STAU2: variants seen among roughly 807,000 people sequenced by gnomAD.
STAU2 encodes double-stranded RNA-binding protein Staufen homolog 2.
A neutral mutation model predicts 65.9 loss-of-function variants in STAU2; 20 were observed. That is an observed-to-expected ratio of 0.30 (90% CI 0.21 to 0.44). The LOEUF (loss-of-function observed/expected upper bound fraction) is 0.44, where lower values mean the gene tolerates loss of function less well. STAU2 is among the 20% of genes least tolerant of loss of function. STAU2 has a pLI of 1.00. For synonymous variants in STAU2, 232 were observed against 233.9 expected (o/e 0.99, Z 0.07); for missense variants, 558 against 683.9 (o/e 0.82, Z 2.05).
At chr8:73,500,808 AC>A (rs1405647319) in intron 13 of STAU2, among the ~76,000 whole-genome samples, 1 of 151,946 alleles carries the variant, frequency 6.6e-6, no homozygotes, top group Admixed American at 6.6e-5. Context: ...AAGTGATTAC[AC>A]AAATAATAAG....
intron 6 of STAU2, among the ~76,000 whole-genome samples, chr8:73,649,869 T>TTTTATATATA (rs1554555924): frequency 5.6e-5 from 4 of 71,656 alleles, no homozygotes; most frequent in South Asian, 6.1e-4. Flanking sequence ...CTATATAATT[T>TTTTATATATA]TATATATATA....
At chr8:73,644,446 TAAA>T (rs11330650) in intron 6 of STAU2, among the ~76,000 whole-genome samples, 1 of 136,446 alleles carries the variant, frequency 7.3e-6, no homozygotes. Flanking sequence ...TCCTGTCTCT[TAAA>T]AAAAAAAAAA....
chr8:73,659,336 G>A (rs769338213), intron 6 of STAU2, among the ~76,000 whole-genome samples: 3 of 152,028 alleles, frequency 2.0e-5, no homozygotes, highest in South Asian at 2.1e-4. Context: ...TCGGGAGTTC[G>A]AGACCAGCCT....
chr8:73,444,844 T>A (rs1348615534), intron 13 of STAU2, among the ~76,000 whole-genome samples: 2 of 152,204 alleles, frequency 1.3e-5, no homozygotes, highest in East Asian at 3.9e-4. Context: ...CAAGATGGCT[T>A]CCCTGTGAAG....
chr8:73,671,139 A>G (rs961135309), intron 6 of STAU2, among the ~76,000 whole-genome samples: 5 of 152,146 alleles, frequency 3.3e-5, no homozygotes, highest in Admixed American at 2.0e-4. Context: ...TTTAAAAACT[A>G]CTACTTGATG....
chr8:73,730,516 C>T (rs781520829), intron 3 of STAU2, among the ~76,000 whole-genome samples: 6 of 152,044 alleles, frequency 3.9e-5, no homozygotes, highest in Non-Finnish European at 8.8e-5. Flanking sequence ...CACCTGAGGT[C>T]AGGAGTCTGA....
intron 12 of STAU2, among the ~76,000 whole-genome samples, chr8:73,560,075 A>ATTT (rs35696339): frequency 8.4e-5 from 7 of 83,474 alleles, no homozygotes; most frequent in South Asian, 7.0e-4. Context: ...TACTGAACAG[A>ATTT]TTTTTTTTTT....
At chr8:73,459,668 C>T (rs1176607972) in intron 13 of STAU2, among the ~76,000 whole-genome samples, 2 of 152,178 alleles carry the variant, frequency 1.3e-5, no homozygotes, top group Non-Finnish European at 2.9e-5. Flanking sequence ...ACCTCAAGCT[C>T]ACGCAGCTCC....
chr8:73,585,523 T>C (rs909565821), intron 11 of STAU2, among the ~76,000 whole-genome samples: 1 of 152,238 alleles, frequency 6.6e-6, no homozygotes, highest in Non-Finnish European at 1.5e-5. Flanking sequence ...AGGTAACATA[T>C]GATTTTCATC....
chr8:73,680,316 A>G (rs187833485), intron 5 of STAU2, among the ~76,000 whole-genome samples: 56 of 152,172 alleles, frequency 3.7e-4, no homozygotes, highest in Non-Finnish European at 2.4e-4. Context: ...ACACTCCCCA[A>G]TACCAGCCTG....
intron 6 of STAU2, among the ~76,000 whole-genome samples, chr8:73,630,512 C>T (rs555581635): frequency 1.3e-3 from 191 of 152,308 alleles, no homozygotes; most frequent in African/African-American, 3.6e-3. Context: ...AATACAGATA[C>T]GTGTATTTTA....
chr8:73,648,194 T>A (rs1014173573), intron 6 of STAU2, among the ~76,000 whole-genome samples: 3 of 152,222 alleles, frequency 2.0e-5, no homozygotes, highest in African/African-American at 7.2e-5. Flanking sequence ...TCTTGAAAAT[T>A]TACATCCCAC....
chr8:73,437,414 G>C (rs1042835782), intron 13 of STAU2, among the ~76,000 whole-genome samples: 1 of 152,140 alleles, frequency 6.6e-6, no homozygotes, highest in African/African-American at 2.4e-5. Flanking sequence ...CTTGGAGGAA[G>C]GGGCCATGAA....
At chr8:73,634,954 CTATCTCCCCCAACTAGA>C (rs1814381594) in intron 6 of STAU2, among the ~76,000 whole-genome samples, 1 of 152,104 alleles carries the variant, frequency 6.6e-6, no homozygotes, top group African/African-American at 2.4e-5. Context: ...TTTTTATTTT[CTATCTCCCCCAACTAGA>C]ATGTACACTT....
At chr8:73,583,243 T>C (rs1810124102) in intron 11 of STAU2, among the ~76,000 whole-genome samples, 1 of 151,832 alleles carries the variant, frequency 6.6e-6, no homozygotes, top group Admixed American at 6.6e-5. Context: ...ACCTCCTAGA[T>C]TCAAGGATTC....
intron 13 of STAU2, among the ~76,000 whole-genome samples, chr8:73,484,448 C>T (rs887131098): frequency 6.6e-6 from 1 of 152,052 alleles, no homozygotes; most frequent in South Asian, 2.1e-4. Flanking sequence ...GTCTTTAAAA[C>T]ATTCTTTCTG....
intron 8 of STAU2, among the ~76,000 whole-genome samples, chr8:73,614,828 C>G (rs1327309028): frequency 6.6e-6 from 1 of 152,142 alleles, no homozygotes; most frequent in Non-Finnish European, 1.5e-5. Context: ...TCATTTCTTG[C>G]TGGACCAATA....
At chr8:73,742,335 C>T (rs954172329) in intron 1 of STAU2, 1 of 629,606 alleles carries the variant, frequency 1.6e-6, no homozygotes, top group African/African-American at 2.0e-5. Context: ...GAGTTCGAGA[C>T]TAGCCTGGCG....
intron 6 of STAU2, among the ~76,000 whole-genome samples, chr8:73,623,489 T>C (rs1474231235): frequency 2.6e-5 from 4 of 152,208 alleles, no homozygotes; most frequent in Non-Finnish European, 4.4e-5. Context: ...TCTTAAAATA[T>C]ATGAAAATGC....
Sources: gnomAD v4.1 joint callset for allele counts (sites outside exome capture counted in the v4.1 genomes callset) on GRCh38, gnomAD v4.1.1 for gene constraint, MANE v1.5 for transcripts, NCBI Gene and HGNC (gene_info 2026-07-23, HGNC 2026-07-21) for gene names.